Variants in MGST2 observed in about 807,000 individuals in gnomAD.
MGST2 encodes glutathione peroxidase MGST2.
Under a neutral mutation model 16.6 loss-of-function variants are expected in MGST2, and 9 were observed. The ratio of observed to expected loss-of-function variants is 0.54; its 90% CI spans 0.33 to 0.95. The LOEUF (loss-of-function observed/expected upper bound fraction) is 0.95. Ranked by LOEUF, MGST2 falls within the 40% of genes least tolerant of loss-of-function variation. The probability of loss-of-function intolerance (pLI) is 0.03; values close to 1 mark genes in which losing one functional copy is unlikely to be tolerated. For missense variants in MGST2, 159 were observed against 175.1 expected, an observed-to-expected ratio of 0.91 and a Z score of 0.52; for synonymous variants, 79 against 68.0, an observed-to-expected ratio of 1.16 and a Z score of -0.79.
the MGST2 span, among the ~76,000 whole-genome samples, chr4:139,749,051 A>T: frequency 6.6e-6 from 1 of 152,198 alleles, no homozygotes; most frequent in Non-Finnish European, 1.5e-5. Context: ...CCAACTAAAA[A>T]CAATCCAAAA....
At chr4:139,748,681 G>A in the MGST2 span, among the ~76,000 whole-genome samples, 1 of 152,174 alleles carries the variant, frequency 6.6e-6, no homozygotes, top group Non-Finnish European at 1.5e-5. Context: ...TCTGGGGTAA[G>A]GAGCAAAAGC....
Position 139,704,013 on chromosome 4 carries a change from C to G in MGST2, c.312-3C>G. On this transcript the variant is annotated splice_region_variant and splice_polypyrimidine_tract_variant and intron_variant, in intron 4 of 4. Coordinates refer to ENST00000265498, the MANE Select transcript of MGST2 (RefSeq NM_002413.5). The stretch of plus-strand genomic sequence containing the variant: ...ACTTTTCTCCCTCATGTCCACTCTG[C>G]AGGATCACCGGTTTCCGACTGAGTC... 1 of 1,614,084 alleles carries G rather than the reference C, an allele frequency of 6.2e-7. No homozygotes were observed. Among genetic ancestry groups the G allele is most frequent in the Non-Finnish European group, 8.5e-7 (1 of 1,180,002 alleles).
chr4:139,682,281 A>ATG (rs1731288220), intron 2 of MGST2, among the ~76,000 whole-genome samples: 3 of 151,786 alleles, frequency 2.0e-5, no homozygotes, highest in Non-Finnish European at 4.4e-5. Context: ...ATAGCGTTGT[A>ATG]AGAGGGTATG....
chr4:139,715,094 G>C lies in MGST2; in HGVS notation c.*48+10898G>C, dbSNP rs564133593. On this transcript the variant is annotated intron_variant, in intron 5 of 5. Coordinates refer to the MGST2 transcript ENST00000616265. This position sits in a 1 kb window ranked among gnomAD's most constrained non-coding sequence, Gnocchi z 4.4. ...GAAGGGACTCTAACTCTCCTAAGTC[G>C]GGCCTCTAACCAGAGGTCGGTCAAG... Among the ~76,000 whole-genome samples the C allele has an allele frequency of 6.6e-6, 1 of 152,230 alleles. No individual in the cohort carries two copies. Among genetic ancestry groups the C allele is most frequent in the African/African-American group, 2.4e-5 (1 of 41,546 alleles).
intron 1 of MGST2, among the ~76,000 whole-genome samples, chr4:139,666,304 A>G (rs1730348093): frequency 6.6e-6 from 1 of 152,000 alleles, no homozygotes; most frequent in Non-Finnish European, 1.5e-5. Flanking sequence ...CATTCCAGAG[A>G]TTAGTTCTCC....
rs942162972 is a variant in MGST2 at position 139,666,176 on chromosome 4, C to T, written c.58+99C>T. 4 of 1,289,772 alleles carry T rather than the reference C, an allele frequency of 3.1e-6. No individual in the cohort carries two copies. The South Asian group carries it at 3.6e-5, about 12-fold the overall frequency. The allele number at this position is 1,289,772 out of a possible 1,614,324, so 79.9% of individuals were successfully genotyped here. On this transcript the variant is annotated intron_variant, in intron 1 of 4. Coordinates refer to ENST00000265498, the MANE Select transcript of MGST2 (RefSeq NM_002413.5). Reference sequence around the variant, plus strand: ...AGAGAGGGAGGGAGGGAGATGGGTCCGGTGTTTTGTTTCCTACTTGCCCTT... The same window carrying T: ...AGAGAGGGAGGGAGGGAGATGGGTCTGGTGTTTTGTTTCCTACTTGCCCTT...
rs544232667 is a variant in MGST2, at chr4:139,695,491, G to A, written c.229+224G>A. On this transcript the variant is annotated intron_variant, in intron 3 of 4. Transcript: ENST00000265498. The stretch of plus-strand genomic sequence containing the variant: ...ACAAAAATTAGCTAAGTGTGGTGGC[G>A]CATGCCTGTAATCCCAGCTACTTGG... Among the ~76,000 whole-genome samples the A allele has an allele frequency of 3.8e-4, 58 of 152,192 alleles. 1 individual carries two copies. The highest frequency in any genetic ancestry group is 1.1e-3 in the African/African-American group (45 of 41,532).
chr4:139,745,672 T>C (rs1425515855), downstream of MGST2, among the ~76,000 whole-genome samples: 2 of 152,236 alleles, frequency 1.3e-5, no homozygotes, highest in Non-Finnish European at 2.9e-5. Context: ...GGCAGAGATA[T>C]AGTGATCCCT....
chr4:139,749,326 T>A, the MGST2 span, among the ~76,000 whole-genome samples: 1 of 152,232 alleles, frequency 6.6e-6, no homozygotes, highest in Non-Finnish European at 1.5e-5. Flanking sequence ...CTAAGAGAAC[T>A]GCTACACAAG....
chr4:139,723,745 C>T (rs1701114636), intron 5 of MGST2, among the ~76,000 whole-genome samples: 1 of 152,162 alleles, frequency 6.6e-6, no homozygotes, highest in African/African-American at 2.4e-5. Context: ...ACCTGGAAAA[C>T]TCAAGAGACA....
At chr4:139,702,665 A>G (rs1260177747) in intron 3 of MGST2, among the ~76,000 whole-genome samples, 6 of 151,996 alleles carry the variant, frequency 3.9e-5, no homozygotes, top group Admixed American at 6.6e-5. Flanking sequence ...TTGTGAACAC[A>G]TGCTTTCATT....
chr4:139,706,091 A>G (rs1254008480), downstream of MGST2, among the ~76,000 whole-genome samples: 1 of 152,212 alleles, frequency 6.6e-6, no homozygotes, highest in African/African-American at 2.4e-5. Context: ...AAATATTAAT[A>G]GAAAAAGAAA....
downstream of MGST2, among the ~76,000 whole-genome samples, chr4:139,706,936 T>C (rs1727541715): frequency 6.6e-6 from 1 of 152,226 alleles, no homozygotes; most frequent in Non-Finnish European, 1.5e-5. Context: ...TATTACTAAA[T>C]TGATCAATTT....
chr4:139,745,374 T>C (rs1339148249), downstream of MGST2, among the ~76,000 whole-genome samples: 1 of 152,128 alleles, frequency 6.6e-6, no homozygotes, highest in Non-Finnish European at 1.5e-5. Context: ...GGTAAGCTAG[T>C]GTCAGATTAG....
intron 5 of MGST2, among the ~76,000 whole-genome samples, chr4:139,710,509 C>T (rs1298554870): frequency 3.9e-5 from 6 of 152,134 alleles, no homozygotes; most frequent in Admixed American, 6.5e-5. Context: ...CAGAGCTTCA[C>T]GTTTTTACTT....
chr4:139,727,631 G>C (rs1728528325), intron 5 of MGST2, among the ~76,000 whole-genome samples: 1 of 152,176 alleles, frequency 6.6e-6, no homozygotes, highest in Non-Finnish European at 1.5e-5. Flanking sequence ...TCTAAGTTCT[G>C]TCTAACCTTT....
chr4:139,693,213 C>G (rs1009866535), intron 2 of MGST2, among the ~76,000 whole-genome samples: 2 of 151,178 alleles, frequency 1.3e-5, no homozygotes, highest in Admixed American at 1.3e-4. Context: ...GTCAGGAGAT[C>G]GAGACCACGA....
downstream of MGST2, among the ~76,000 whole-genome samples, chr4:139,744,857 GA>G (rs1729271097): frequency 6.6e-6 from 1 of 152,230 alleles, no homozygotes; most frequent in African/African-American, 2.4e-5. Flanking sequence ...AGGCTGACCA[GA>G]CCCGGGATGG....
At chr4:139,730,446 CT>C (rs1728656152) in intron 5 of MGST2, 9 of 1,551,804 alleles carry the variant, frequency 5.8e-6, no homozygotes, top group Non-Finnish European at 7.8e-6. Flanking sequence ...GCTGCTGCTG[CT>C]GCTGCTGCTG....
Sources: allele counts gnomAD v4.1 joint callset (sites outside exome capture counted in the v4.1 genomes callset), GRCh38; gene constraint gnomAD v4.1.1; non-coding constraint Gnocchi (gnomAD v3.1); transcripts MANE v1.5; gene names NCBI Gene and HGNC (gene_info 2026-07-23, HGNC 2026-07-21).